RIN1: variants seen among roughly 807,000 people sequenced by gnomAD.
RIN1 encodes the protein ras inhibitor 1.
Under a neutral mutation model 64.9 loss-of-function variants are expected in RIN1, and 52 were observed. That is an observed-to-expected ratio of 0.80 (90% CI 0.64 to 1.01). The LOEUF (loss-of-function observed/expected upper bound fraction) is 1.01, where lower values mean the gene tolerates loss of function less well. Ranked by LOEUF, RIN1 falls within the 50% of genes least tolerant of loss-of-function variation. The pLI, the probability that RIN1 is intolerant of heterozygous loss-of-function variation, is 0.00. For synonymous variants in RIN1, 486 were observed against 483.6 expected (o/e 1.00, Z -0.06); for missense variants, 1,040 against 1,064.5 (o/e 0.98, Z 0.32).
intron 9 of RIN1, chr11:66,332,991 A>G: frequency 1.7e-6 from 1 of 603,960 alleles, no homozygotes; most frequent in Non-Finnish European, 2.9e-6. Context: ...TTTGATAGTG[A>G]GTAATTTGTG....
Position 66,332,667 on chromosome 11 carries a change from G to A in RIN1, c.1961C>T (p.Thr654Ile), listed in dbSNP as rs767168866. ...CTTGGTGGCACAGAGCTGGTTCAGGGTGGCAATCGAGGCTTCTGGGGGCAC... is the reference window on the plus strand; with the variant it reads ...CTTGGTGGCACAGAGCTGGTTCAGGATGGCAATCGAGGCTTCTGGGGGCAC... Reference protein sequence around the residue: ...LAVPPEASIATLNQLCATKFR... With the variant: ...LAVPPEASIAILNQLCATKFR... The change falls in exon 10 of 10, where the codon ACC (threonine) becomes ATC (isoleucine). Residue 654 changes from threonine (T) to isoleucine (I), a missense_variant. Coordinates refer to ENST00000311320, the MANE Select transcript of RIN1 (RefSeq NM_004292.3). 1 of 1,583,982 alleles carries A rather than the reference G, an allele frequency of 6.3e-7. No homozygotes were observed. Among genetic ancestry groups the A allele is most frequent in the South Asian group, 1.2e-5 (1 of 85,852 alleles).
At position 66,332,687 on chromosome 11, in the gene RIN1, G is replaced by A; in HGVS notation, c.1941C>T (p.Pro647=). The A allele has an allele frequency of 6.4e-7, 1 of 1,558,302 alleles. No homozygotes were observed. Among genetic ancestry groups the A allele is most frequent in the Non-Finnish European group, 8.7e-7 (1 of 1,152,392 alleles). Reference sequence around the variant, plus strand: ...TCAGGGTGGCAATCGAGGCTTCTGGGGGCACGGCCAGGGTCTTGGAGGTGC... The same window carrying A: ...TCAGGGTGGCAATCGAGGCTTCTGGAGGCACGGCCAGGGTCTTGGAGGTGC... The part of the protein sequence containing the change: ...SGCTSKTLAV[P]PEASIATLNQ... Residue 647 remains proline (P), a synonymous_variant, in exon 10 of 10, where the codon CCC becomes CCT. Transcript: ENST00000311320.
chr11:66,334,805 C>A lies in RIN1; in HGVS notation c.994G>T (p.Gly332Trp), dbSNP rs1162478724. The A allele has an allele frequency of 1.3e-6, 2 of 1,546,570 alleles. No homozygotes were observed. The highest frequency in any genetic ancestry group is 2.4e-5 in the South Asian group (2 of 84,350). Residue 332 changes from glycine to tryptophan, a missense_variant, in exon 6 of 10, where the codon GGG becomes TGG. Physicochemically the swap from Gly to Trp is radical, Grantham distance 184. Coordinates refer to ENST00000311320, the MANE Select transcript of RIN1 (RefSeq NM_004292.3). ...AGGTGGGGTGAGGTCGCTGGGCTCC[C>A]CCGGGACCCTGGCACCCCCTCCTCC... ...SEEEGVPGSR[G>W]SPATSPHLGR...
In RIN1 at chr11:66,332,221, T is replaced by G. The variant is rs1213876811; in HGVS notation, c.*55A>C. The G allele has an allele frequency of 6.5e-7, 1 of 1,536,202 alleles. No homozygotes were observed. Among genetic ancestry groups the G allele is most frequent in the Non-Finnish European group, 9.0e-7 (1 of 1,113,244 alleles). On this transcript the variant is annotated 3_prime_UTR_variant, in exon 10 of 10. Transcript: ENST00000311320. ...GTGGGGCTTGCTGGCGCTAAAAGGA[T>G]TTCTCAGCAGGCTCAGGGTCTCCCG... is the stretch of plus-strand genomic sequence containing the variant.
At position 66,335,604 on chromosome 11, in the gene RIN1, A is replaced by ACTCAC. The variant is rs766760672; in HGVS notation, c.455+1_455+5dup. On this transcript the variant is annotated splice_donor_region_variant and intron_variant, in intron 4 of 9. Transcript: ENST00000311320. ...TGGACACCAGGCACCCTGCGGGCAG[A>ACTCAC]CTCACCGGGTGTGGCAGTAGGCACA... The ACTCAC allele has an allele frequency of 1.2e-6, 2 of 1,613,570 alleles. No individual in the cohort carries two copies. Among genetic ancestry groups the ACTCAC allele is most frequent in the Non-Finnish European group, 1.7e-6 (2 of 1,179,792 alleles).
chr11:66,336,741 G>C (rs1454796141), upstream of RIN1: 1 of 290,258 alleles, frequency 3.4e-6, no homozygotes, highest in Non-Finnish European at 6.5e-6. Context: ...TGCTCTGGGG[G>C]CACCTTTGGC....
rs552430902 is a variant in RIN1 at position 66,331,962 on chromosome 11, C to T, written c.*314G>A. 17 of 436,444 alleles carry T rather than the reference C, an allele frequency of 3.9e-5. No homozygotes were observed. The highest frequency in any genetic ancestry group is 1.8e-4 in the African/African-American group (9 of 50,358). 27.0% of individuals were successfully genotyped at this position (436,444 alleles called of 1,614,324 possible). ...GGAGCTGAGACCGTCACCCTCCCCACGTCAGAGGTTGGGCATCTGTCGGAT... is the reference window on the plus strand; with the variant it reads ...GGAGCTGAGACCGTCACCCTCCCCATGTCAGAGGTTGGGCATCTGTCGGAT... On this transcript the variant is annotated 3_prime_UTR_variant, in exon 10 of 10. Coordinates refer to ENST00000311320, the MANE Select transcript of RIN1 (RefSeq NM_004292.3).
chr11:66,336,309 T>TA lies in RIN1; in HGVS notation c.86+7_86+8insT. 1 of 1,610,840 alleles carries TA rather than the reference T, an allele frequency of 6.2e-7. No individual in the cohort carries two copies. Among genetic ancestry groups the TA allele is most frequent in the Non-Finnish European group, 8.5e-7 (1 of 1,178,564 alleles). On this transcript the variant is annotated splice_region_variant and intron_variant, in intron 1 of 9. Transcript: ENST00000311320. ...GCCCCACCTGGCTGCCCTGCCAACTTCACTAACTTTTCTCTCGCCAGGTGC... is the reference window on the plus strand; with the variant it reads ...GCCCCACCTGGCTGCCCTGCCAACTTACACTAACTTTTCTCTCGCCAGGTGC...
rs117475530 is a variant in RIN1 at position 66,331,514 on chromosome 11, C to T, written c.*762G>A. On this transcript the variant is annotated 3_prime_UTR_variant, in exon 10 of 10. Transcript: ENST00000311320. ...AGACTGTAACTTGGGTACTTTCTCC[C>T]CAGGGCCTGATTTCCAGGGGAATAA... is the stretch of plus-strand genomic sequence containing the variant. The T allele has an allele frequency of 6.6e-6, 1 of 152,218 alleles. No individual in the cohort carries two copies. Among genetic ancestry groups the T allele is most frequent in the Non-Finnish European group, 1.5e-5 (1 of 68,048 alleles). 9.4% of individuals were successfully genotyped at this position (152,218 alleles called of 1,614,324 possible). A position where few individuals can be genotyped will look rare whatever the true frequency, so the allele number is the denominator to read the frequency against.
In RIN1 at chr11:66,334,199, A is replaced by C. The variant is rs1468061180; in HGVS notation, c.1311T>G (p.His437Gln). 7.4e-7 allele frequency: 1 copy of C among 1,347,206 alleles called. No individual in the cohort carries two copies. The highest frequency in any genetic ancestry group is 9.7e-7 in the Non-Finnish European group (1 of 1,035,268). 83.5% of individuals were successfully genotyped at this position (1,347,206 alleles called of 1,614,324 possible). Reference sequence around the variant, plus strand: ...GCCGGAGAGGCTTGAGCACAGAGCAATGCAATGACTTCTCCAGGACATGTT... The same window carrying C: ...GCCGGAGAGGCTTGAGCACAGAGCACTGCAATGACTTCTCCAGGACATGTT... ...RLEHVLEKSL[H>Q]CSVLKPLRPI... The change falls in exon 7 of 10, where the codon CAT (histidine) becomes CAG (glutamine). Residue 437 changes from histidine (H) to glutamine (Q), a missense_variant. Coordinates refer to ENST00000311320, the MANE Select transcript of RIN1 (RefSeq NM_004292.3).
intron 6 of RIN1, 136 bp downstream of exon 6, chr11:66,334,378 A>G: frequency 7.8e-7 from 1 of 1,280,334 alleles, no homozygotes; most frequent in Non-Finnish European, 1.1e-6. Flanking sequence ...GAGAGAGGGG[A>G]TGGAACTCTC....
chr11:66,336,565 C>T, upstream of RIN1: 5 of 649,454 alleles, frequency 7.7e-6, no homozygotes, highest in Non-Finnish European at 1.3e-5. Context: ...CTGTTCTGGA[C>T]CCTGCTTTGG....
Position 66,332,045 on chromosome 11 carries a change from G to A in RIN1, c.*231C>T, listed in dbSNP as rs1389062708. The A allele has an allele frequency of 1.7e-5, 10 of 579,698 alleles. No individual in the cohort carries two copies. The highest frequency in any genetic ancestry group is 3.1e-5 in the Non-Finnish European group (10 of 326,292). 35.9% of individuals were successfully genotyped at this position (579,698 alleles called of 1,614,324 possible). On this transcript the variant is annotated 3_prime_UTR_variant, in exon 10 of 10. Coordinates refer to ENST00000311320, the MANE Select transcript of RIN1 (RefSeq NM_004292.3). ...TGGCTCACCCTCAGCTGGGGGAGAA[G>A]AACAAGAGGCAAGGGGCCTTGGGCA...
Position 66,335,675 on chromosome 11 carries a change from G to GGA in RIN1, c.388_389dup (p.Leu131ProfsTer12). ...GGAACATGAGCTCCGAGCCCTCCAA[G>GGA]GAGACGCCTGAGAGAGGAGGGAAGT... On this transcript the variant is annotated frameshift_variant, in exon 4 of 10. Coordinates refer to ENST00000311320, the MANE Select transcript of RIN1 (RefSeq NM_004292.3). LOFTEE classifies it high-confidence loss of function. 1 of 1,613,490 alleles carries GGA rather than the reference G, an allele frequency of 6.2e-7. No homozygotes were observed. Among genetic ancestry groups the GGA allele is most frequent in the South Asian group, 1.1e-5 (1 of 90,922 alleles).
upstream of RIN1, chr11:66,336,645 G>A (rs1801055604): frequency 3.0e-5 from 15 of 507,238 alleles, no homozygotes; most frequent in South Asian, 3.2e-4. Flanking sequence ...CTCCACACAC[G>A]GCCTCCTGCA....
chr11:66,334,356 G>C (rs1358161050), intron 6 of RIN1, 132 bp from the exon 7 acceptor site: 2 of 1,232,720 alleles, frequency 1.6e-6, no homozygotes, highest in Non-Finnish European at 1.1e-6. Flanking sequence ...GGGTGAGACG[G>C]AAGAGTTGGG....
chr11:66,334,154 C>A lies in RIN1; in HGVS notation c.1356G>T (p.Leu452=). Residue 452 remains leucine (L), a synonymous_variant, in exon 7 of 10, where the codon CTG becomes CTT. Coordinates refer to ENST00000311320, the MANE Select transcript of RIN1 (RefSeq NM_004292.3). ...KPLRPILAAR[L]RRRLAADGSL... is the part of the protein sequence containing the mutation. ...AGCCGTCTGCGGCAAGCCGGCGCCG[C>A]AGGCGGGCTGCCAGGATGGGCCGGA... 6.5e-7 allele frequency: 1 copy of A among 1,540,206 alleles called. No individual in the cohort carries two copies.
upstream of RIN1, chr11:66,336,517 CTT>C (rs1179737839): frequency 2.3e-5 from 20 of 870,838 alleles, no homozygotes; most frequent in Admixed American, 4.4e-5. Flanking sequence ...CCAGTTAACT[CTT>C]GTGTGTCCAC....
rs1854847611 is a variant in RIN1 at position 66,335,077 on chromosome 11, A to G, written c.722T>C (p.Phe241Ser). The change falls in exon 6 of 10, where the codon TTC becomes TCC. Residue 241 changes from phenylalanine to serine, a missense_variant. By Grantham distance (155) the Phe-to-Ser change is radical. Transcript: ENST00000311320. ...GDLGPTKREK[F>S]KRSFKVRVST... ...CACGCGCACTTTGAAGCTTCTCTTG[A>G]ATTTCTCCCGCTTGGTGGGCCCTAG... 3.9e-6 allele frequency: 6 copies of G among 1,524,360 alleles called. No individual in the cohort carries two copies. Among genetic ancestry groups the G allele is most frequent in the Non-Finnish European group, 5.3e-6 (6 of 1,138,650 alleles). The allele number at this position is 1,524,360 out of a possible 1,614,324, so 94.4% of individuals were successfully genotyped here. A position where few individuals can be genotyped will look rare whatever the true frequency, so the allele number is the denominator to read the frequency against.
Sources: allele counts gnomAD v4.1 joint callset, GRCh38; gene constraint gnomAD v4.1.1; transcripts MANE v1.5; gene names NCBI Gene and HGNC (gene_info 2026-07-23, HGNC 2026-07-21).